CSMD1: variants seen among roughly 807,000 people sequenced by gnomAD.
CSMD1 encodes CUB and Sushi multiple domains 1.
A neutral mutation model predicts 417.5 loss-of-function variants in CSMD1; 213 were observed. The ratio of observed to expected loss-of-function variants is 0.51; its 90% CI spans 0.46 to 0.57. The LOEUF is 0.57. Ranked by LOEUF, CSMD1 falls within the 20% of genes least tolerant of loss-of-function variation. CSMD1 has a pLI of 0.00. For missense variants in CSMD1, 6,923 were observed against 4,529.7 expected (o/e 1.53, Z -15.17); for synonymous variants, 2,862 against 1,736.8 (o/e 1.65, Z -16.11).
chr8:4,133,055 C>A (rs991217058), intron 3 of CSMD1, among the ~76,000 whole-genome samples: 1 of 152,062 alleles, frequency 6.6e-6, no homozygotes, highest in African/African-American at 2.4e-5. Flanking sequence ...TCTGCCTCAG[C>A]CTCTTGAGTA....
In CSMD1 at chr8:4,348,028, A is replaced by G. The variant is rs115670547; in HGVS notation, c.415+71925T>C. On this transcript the variant is annotated intron_variant, in intron 3 of 69. Coordinates refer to ENST00000635120, the MANE Select transcript of CSMD1 (RefSeq NM_033225.6). Reference sequence around the variant, plus strand: ...ATTTTACTATATGCATAAAGAGGAAAAAAACAGATTAGTTACAACATACTC... The same window carrying G: ...ATTTTACTATATGCATAAAGAGGAAGAAAACAGATTAGTTACAACATACTC... Among the ~76,000 whole-genome samples, 749 of 152,296 alleles carry G rather than the reference A, an allele frequency of 4.9e-3. 4 individuals carry two copies. The highest frequency in any genetic ancestry group is 0.016 in the African/African-American group (684 of 41,580).
intron 3 of CSMD1, among the ~76,000 whole-genome samples, chr8:4,196,655 T>C (rs1246802151): frequency 6.6e-6 from 1 of 152,216 alleles, no homozygotes; most frequent in Non-Finnish European, 1.5e-5. Flanking sequence ...TGAATCTTTG[T>C]GACCCATTCT....
At position 4,632,238 on chromosome 8, in the gene CSMD1, C is replaced by T. The variant is rs571884295; in HGVS notation, c.302+5104G>A. 2.4e-4 allele frequency among the ~76,000 whole-genome samples: 36 copies of T among 152,176 alleles called. 1 individual carries two copies. In the South Asian group the frequency reaches 2.7e-3, roughly 11 times the overall value. ...AAATTGCCCCACGAACACTTATTGA[C>T]GATGTGAAAGTCAACATATCTTCCA... On this transcript the variant is annotated intron_variant, in intron 2 of 69. Coordinates refer to ENST00000635120, the MANE Select transcript of CSMD1 (RefSeq NM_033225.6).
chr8:3,628,073 C>G (rs1241911481), intron 7 of CSMD1, among the ~76,000 whole-genome samples: 1 of 152,084 alleles, frequency 6.6e-6, no homozygotes, highest in Non-Finnish European at 1.5e-5. Context: ...TGGTGTAATT[C>G]TATTTTTTTA....
chr8:3,690,454 T>C (rs2129032548), intron 7 of CSMD1, among the ~76,000 whole-genome samples: 1 of 152,348 alleles, frequency 6.6e-6, no homozygotes, highest in Admixed American at 6.5e-5. Flanking sequence ...ACTGTCACAG[T>C]AGTGTTCAAG....
At chr8:3,047,206 T>G in intron 50 of CSMD1, among the ~76,000 whole-genome samples, 1 of 69,768 alleles carries the variant, frequency 1.4e-5, no homozygotes, top group South Asian at 6.0e-4. Context: ...AGTATAAGAC[T>G]CCCTCTCAAA....
chr8:3,993,294 G>A (rs562591192), intron 5 of CSMD1, among the ~76,000 whole-genome samples: 1 of 152,254 alleles, frequency 6.6e-6, no homozygotes, highest in African/African-American at 2.4e-5. Flanking sequence ...CTTTAATTTT[G>A]GGGCACGTGA....
chr8:4,023,168 C>T (rs766532170), intron 4 of CSMD1, among the ~76,000 whole-genome samples: 3 of 152,146 alleles, frequency 2.0e-5, no homozygotes, highest in Non-Finnish European at 4.4e-5. Flanking sequence ...TCAAGTTCTT[C>T]CTTTTCACCC....
intron 63 of CSMD1, among the ~76,000 whole-genome samples, chr8:2,956,882 T>A (rs1032371519): frequency 6.6e-6 from 1 of 152,168 alleles, no homozygotes; most frequent in Non-Finnish European, 1.5e-5. Context: ...CATATATATA[T>A]GTGTATGTAT....
intron 5 of CSMD1, among the ~76,000 whole-genome samples, chr8:3,852,022 A>G (rs904880746): frequency 1.3e-5 from 2 of 152,180 alleles, no homozygotes; most frequent in African/African-American, 4.8e-5. Flanking sequence ...GGTGAGGACA[A>G]GTTCCCTGGA....
intron 31 of CSMD1, among the ~76,000 whole-genome samples, chr8:3,202,164 T>G (rs1797026648): frequency 6.6e-6 from 1 of 151,986 alleles, no homozygotes; most frequent in Non-Finnish European, 1.5e-5. Context: ...TGAGACTCTG[T>G]CTCAAGAAAA....
chr8:3,550,140 T>C (rs1400067021), intron 10 of CSMD1, among the ~76,000 whole-genome samples: 5 of 152,172 alleles, frequency 3.3e-5, no homozygotes, highest in African/African-American at 1.2e-4. Context: ...CCCATGCACG[T>C]GGCCTCAAAA....
At chr8:4,387,387 C>G (rs181594264) in intron 3 of CSMD1, among the ~76,000 whole-genome samples, 1 of 151,846 alleles carries the variant, frequency 6.6e-6, no homozygotes, top group East Asian at 1.9e-4. Flanking sequence ...GTTAAATAAT[C>G]ATGGAAAATA....
intron 3 of CSMD1, among the ~76,000 whole-genome samples, chr8:4,143,340 TG>T (rs2131024444): frequency 6.7e-6 from 1 of 148,646 alleles, no homozygotes; most frequent in East Asian, 2.0e-4. Flanking sequence ...ATCTGATTCA[TG>T]GGCTGCTGAA....
At chr8:4,265,126 C>T (rs1804157757) in intron 3 of CSMD1, among the ~76,000 whole-genome samples, 1 of 152,112 alleles carries the variant, frequency 6.6e-6, no homozygotes, top group South Asian at 2.1e-4. Flanking sequence ...AAACTGTCCT[C>T]TAACTTAATT....
At chr8:3,045,063 C>G (rs1397481077) in intron 50 of CSMD1, among the ~76,000 whole-genome samples, 1 of 152,064 alleles carries the variant, frequency 6.6e-6, no homozygotes, top group Non-Finnish European at 1.5e-5. Flanking sequence ...CCTTGAATAC[C>G]AAGGAATTTT....
chr8:3,239,903 C>A (rs992825584), intron 26 of CSMD1, among the ~76,000 whole-genome samples: 2 of 151,818 alleles, frequency 1.3e-5, no homozygotes, highest in African/African-American at 2.4e-5. Flanking sequence ...AAGTCCGGGC[C>A]AGGAACAATG....
rs527441019 is a variant in CSMD1 at position 4,409,356 on chromosome 8, C to T, written c.415+10597G>A. Among the ~76,000 whole-genome samples, 5 of 152,210 alleles carry T rather than the reference C, an allele frequency of 3.3e-5. No homozygotes were observed. The South Asian group carries it at 6.2e-4, about 19-fold the overall frequency. On this transcript the variant is annotated intron_variant, in intron 3 of 69. Coordinates refer to ENST00000635120, the MANE Select transcript of CSMD1 (RefSeq NM_033225.6). ...ATGTCATTCTCTCACATCTTCTCCTCGAATTGCCTCAGACTAACAAAAGAT... is the reference window on the plus strand; with the variant it reads ...ATGTCATTCTCTCACATCTTCTCCTTGAATTGCCTCAGACTAACAAAAGAT...
chr8:4,323,752 A>G (rs1799399952), intron 3 of CSMD1, among the ~76,000 whole-genome samples: 1 of 124,550 alleles, frequency 8.0e-6, no homozygotes, highest in African/African-American at 2.5e-5. Context: ...TCACTCAAAT[A>G]TCCCCCCCTT....
Sources: allele counts gnomAD v4.1 joint callset (sites outside exome capture counted in the v4.1 genomes callset), GRCh38; gene constraint gnomAD v4.1.1; transcripts MANE v1.5; gene names NCBI Gene and HGNC (gene_info 2026-07-23, HGNC 2026-07-21).